RAB3GAP2: variants seen among roughly 807,000 people sequenced by gnomAD.
RAB3GAP2 encodes rab3 GTPase-activating protein non-catalytic subunit.
RAB3GAP2 carries 87 observed loss-of-function variants against 185.3 expected under a neutral mutation model. The observed-to-expected ratio is 0.47, with a 90% CI of 0.39 to 0.56. The LOEUF (loss-of-function observed/expected upper bound fraction) is 0.56, where lower values mean the gene tolerates loss of function less well. Ranked by LOEUF, RAB3GAP2 falls within the 20% of genes least tolerant of loss-of-function variation. The pLI is 0.00. For missense variants in RAB3GAP2, 1,492 were observed against 1,638.2 expected (o/e 0.91, Z 1.54); for synonymous variants, 554 against 576.1 (o/e 0.96, Z 0.55).
At chr1:220,265,512 T>G (rs1660212741) in intron 1 of RAB3GAP2, among the ~76,000 whole-genome samples, 2 of 152,086 alleles carry the variant, frequency 1.3e-5, no homozygotes, top group Non-Finnish European at 2.9e-5. Flanking sequence ...TTTATTTATA[T>G]TTTTGCCCAA....
intron 26 of RAB3GAP2, among the ~76,000 whole-genome samples, chr1:220,166,649 T>A (rs1257477618): frequency 6.6e-6 from 1 of 152,206 alleles, no homozygotes; most frequent in Non-Finnish European, 1.5e-5. Context: ...ACTGTGAATG[T>A]CCTGGTAGAA....
At chr1:220,253,024 G>C (rs575717017) in intron 1 of RAB3GAP2, among the ~76,000 whole-genome samples, 2 of 152,312 alleles carry the variant, frequency 1.3e-5, no homozygotes, top group Non-Finnish European at 2.9e-5. Context: ...AAGTTCCCAG[G>C]GGCGGAGGGG....
intron 13 of RAB3GAP2, 148 bp from the exon 14 acceptor site, chr1:220,191,432 A>G (rs1658618102): frequency 1.6e-6 from 1 of 637,160 alleles, no homozygotes; most frequent in East Asian, 2.7e-5. Flanking sequence ...ATCTTAAATA[A>G]AAAATGATAA....
At chr1:220,190,947 A>C in intron 14 of RAB3GAP2, 121 bp downstream of exon 14, 2 of 997,160 alleles carry the variant, frequency 2.0e-6, no homozygotes, top group South Asian at 2.7e-5. Context: ...AAACCACAAT[A>C]AAGAATATTG....
chr1:220,164,706 T>G (rs770530397), intron 27 of RAB3GAP2, 27 bp downstream of exon 27: 59 of 1,591,682 alleles, frequency 3.7e-5, no homozygotes, highest in Non-Finnish European at 5.0e-5. Context: ...GATCAAACAG[T>G]GATGTTTCTA....
chr1:220,250,995 G>T (rs1659921384), intron 1 of RAB3GAP2, among the ~76,000 whole-genome samples: 1 of 152,140 alleles, frequency 6.6e-6, no homozygotes, highest in African/African-American at 2.4e-5. Flanking sequence ...AGTAATACAA[G>T]TACTTTGGCA....
At chr1:220,263,169 G>A (rs1660171804) in intron 1 of RAB3GAP2, among the ~76,000 whole-genome samples, 1 of 151,940 alleles carries the variant, frequency 6.6e-6, no homozygotes, top group South Asian at 2.1e-4. Context: ...TTATTGAGTT[G>A]CAGGAATTCT....
In RAB3GAP2 at chr1:220,196,296, A is replaced by T; in HGVS notation, c.914T>A (p.Ile305Asn). ...KNSPPAMSQY[I>N]TVGSNPFTGF... is the part of the protein sequence containing the mutation. ...AGTAAATGGATTGGACCCTACAGTG[A>T]TATACTGAGACATGGCAGGTGGACT... is the stretch of plus-strand genomic sequence containing the variant. The change falls in exon 10 of 35, where the codon ATC (isoleucine) becomes AAC (asparagine). Residue 305 changes from isoleucine (I) to asparagine (N), a missense_variant. Coordinates refer to ENST00000358951, the MANE Select transcript of RAB3GAP2 (RefSeq NM_012414.4). 6.2e-7 allele frequency: 1 copy of T among 1,613,082 alleles called. No individual in the cohort carries two copies. Among genetic ancestry groups the T allele is most frequent in the Non-Finnish European group, 8.5e-7 (1 of 1,179,092 alleles).
At chr1:220,157,130 C>G in intron 31 of RAB3GAP2, 140 bp downstream of exon 31, 2 of 764,222 alleles carry the variant, frequency 2.6e-6, no homozygotes, top group Non-Finnish European at 4.6e-6. Context: ...CGGAATCAAG[C>G]AGGGAATGAG....
intron 18 of RAB3GAP2, among the ~76,000 whole-genome samples, chr1:220,185,237 T>G (rs111545220): frequency 2.4e-4 from 36 of 152,244 alleles, no homozygotes; most frequent in African/African-American, 8.2e-4. Context: ...AAGAACAATG[T>G]GATAGTACAG....
intron 9 of RAB3GAP2, among the ~76,000 whole-genome samples, chr1:220,199,544 T>G (rs749330025): frequency 6.6e-6 from 1 of 152,048 alleles, no homozygotes; most frequent in Non-Finnish European, 1.5e-5. Context: ...CCTCTCAAAT[T>G]TATATGTACA....
intron 1 of RAB3GAP2, among the ~76,000 whole-genome samples, chr1:220,258,567 G>T (rs925914295): frequency 6.6e-6 from 1 of 152,092 alleles, no homozygotes; most frequent in African/African-American, 2.4e-5. Flanking sequence ...CAATAAACTA[G>T]GTATTAAAGG....
chr1:220,242,825 G>A (rs937290946), intron 1 of RAB3GAP2, among the ~76,000 whole-genome samples: 4 of 152,042 alleles, frequency 2.6e-5, no homozygotes, highest in African/African-American at 9.6e-5. Flanking sequence ...AAGTTTTTTG[G>A]GCAATCTGAA....
chr1:220,227,753 G>C (rs1402988472), intron 2 of RAB3GAP2, among the ~76,000 whole-genome samples: 1 of 152,120 alleles, frequency 6.6e-6, no homozygotes, highest in Non-Finnish European at 1.5e-5. Context: ...TTTTTTGTTT[G>C]TTTGTCTGTT....
chr1:220,164,801 T>G lies in RAB3GAP2; in HGVS notation c.3088-2A>C. On this transcript the variant is annotated splice_acceptor_variant, in intron 26 of 34. Coordinates refer to ENST00000358951, the MANE Select transcript of RAB3GAP2 (RefSeq NM_012414.4). LOFTEE classifies it high-confidence loss of function. ...TGACCTAACAAAAAAACGTGCTTCC[T>G]TACATACAGGGAGAAAAAAACGAGA... 1 of 1,606,860 alleles carries G rather than the reference T, an allele frequency of 6.2e-7. No individual in the cohort carries two copies. The highest frequency in any genetic ancestry group is 1.1e-5 in the South Asian group (1 of 90,060).
At chr1:220,202,511 A>C in intron 8 of RAB3GAP2, 137 bp from the exon 9 acceptor site, 1 of 894,468 alleles carries the variant, frequency 1.1e-6, no homozygotes, top group South Asian at 1.5e-5. Flanking sequence ...ACAAGGCATA[A>C]GGTGAGATTT....
intron 1 of RAB3GAP2, among the ~76,000 whole-genome samples, chr1:220,268,371 G>A (rs1022876613): frequency 6.6e-6 from 1 of 152,120 alleles, no homozygotes; most frequent in African/African-American, 2.4e-5. Flanking sequence ...TATCATGAAG[G>A]GTTGAAAATA....
intron 7 of RAB3GAP2, among the ~76,000 whole-genome samples, chr1:220,208,865 T>C (rs760836802): frequency 6.6e-6 from 1 of 152,216 alleles, no homozygotes; most frequent in Non-Finnish European, 1.5e-5. Flanking sequence ...TACAGGCGCA[T>C]GCCGCCATGC....
chr1:220,236,085 T>C (rs1480090454), intron 1 of RAB3GAP2, among the ~76,000 whole-genome samples: 3 of 152,258 alleles, frequency 2.0e-5, no homozygotes, highest in African/African-American at 4.8e-5. Flanking sequence ...CTATTTATAA[T>C]ACTATGAGAG....
Sources: gnomAD v4.1 joint callset for allele counts (sites outside exome capture counted in the v4.1 genomes callset) on GRCh38, gnomAD v4.1.1 for gene constraint, MANE v1.5 for transcripts, NCBI Gene and HGNC (gene_info 2026-07-23, HGNC 2026-07-21) for gene names.